Variants in TCEA1 observed in about 807,000 individuals in gnomAD.
The protein encoded by TCEA1 is transcription elongation factor A1.
A neutral mutation model predicts 43.8 loss-of-function variants in TCEA1; 21 were observed. The observed-to-expected ratio is 0.48, with a 90% CI of 0.34 to 0.69. TCEA1 has a LOEUF of 0.69. Ranked by LOEUF, TCEA1 falls within the 30% of genes least tolerant of loss-of-function variation. The pLI is 0.01. For missense variants in TCEA1, 250 were observed against 365.1 expected, an observed-to-expected ratio of 0.68 and a Z score of 2.57; for synonymous variants, 104 against 117.5, an observed-to-expected ratio of 0.88 and a Z score of 0.75.
intron 1 of TCEA1, among the ~76,000 whole-genome samples, chr8:54,011,356 C>A (rs2129312752): frequency 6.6e-6 from 1 of 152,318 alleles, no homozygotes; most frequent in Non-Finnish European, 1.5e-5. Context: ...GCCGTGAGCT[C>A]TAGGGCTGGC....
intron 9 of TCEA1, 55 bp downstream of exon 9, chr8:53,970,337 A>G (rs1336230542): frequency 8.2e-7 from 1 of 1,220,052 alleles, no homozygotes; most frequent in Non-Finnish European, 1.2e-6. Context: ...AAAAGACCAG[A>G]AGAAATCTTT....
In TCEA1 at chr8:53,985,215, C is replaced by A. The variant is rs192227698; in HGVS notation, c.524-698G>T. Among the ~76,000 whole-genome samples the A allele has an allele frequency of 4.1e-3, 622 of 152,204 alleles. 4 individuals are homozygous for A. The highest frequency in any genetic ancestry group is 0.014 in the African/African-American group (593 of 41,508). On this transcript the variant is annotated intron_variant, in intron 6 of 9. Coordinates refer to ENST00000521604, the MANE Select transcript of TCEA1 (RefSeq NM_006756.4). ...TATTTTTAGTAGAGACGGGGTTTCA[C>A]CATGTTGGCCAGGCTGGTCTCAAAC... is the stretch of plus-strand genomic sequence containing the variant.
At chr8:54,000,982 C>T (rs374449078) in intron 2 of TCEA1, among the ~76,000 whole-genome samples, 1 of 152,052 alleles carries the variant, frequency 6.6e-6, no homozygotes, top group African/African-American at 2.4e-5. Context: ...TGGTCTCAAA[C>T]TCTAGACCTC....
intron 1 of TCEA1, among the ~76,000 whole-genome samples, chr8:54,011,067 T>C (rs1213647544): frequency 6.6e-6 from 1 of 152,218 alleles, no homozygotes; most frequent in Non-Finnish European, 1.5e-5. Context: ...CCTCCCAAAG[T>C]GCTGGGATTA....
At chr8:54,013,582 G>A (rs889855325) in intron 1 of TCEA1, among the ~76,000 whole-genome samples, 2 of 149,220 alleles carry the variant, frequency 1.3e-5, no homozygotes, top group African/African-American at 2.4e-5. Context: ...TCAGGAGGCT[G>A]AGGCAGGAGA....
chr8:54,001,670 C>G (rs1804267926), intron 2 of TCEA1, among the ~76,000 whole-genome samples: 2 of 152,066 alleles, frequency 1.3e-5, no homozygotes, highest in South Asian at 4.1e-4. Flanking sequence ...TGCAGGAGAG[C>G]AAAGGTGTAA....
At chr8:53,975,472 T>TA (rs1563464930) in intron 8 of TCEA1, among the ~76,000 whole-genome samples, 2 of 152,110 alleles carry the variant, frequency 1.3e-5, no homozygotes. Flanking sequence ...TCACAATAGC[T>TA]AAAAAGTAGA....
chr8:54,013,495 A>G (rs981762722), intron 1 of TCEA1, among the ~76,000 whole-genome samples: 9 of 152,018 alleles, frequency 5.9e-5, no homozygotes, highest in African/African-American at 1.9e-4. Flanking sequence ...CCTGGCCAAC[A>G]TGGTGAAACT....
In TCEA1 at chr8:53,979,268, A is replaced by T. The variant is rs1037295899; in HGVS notation, c.679-97T>A. On this transcript the variant is annotated intron_variant, in intron 7 of 9. Coordinates refer to ENST00000521604, the MANE Select transcript of TCEA1 (RefSeq NM_006756.4). ...ATTAGCCTAATAATAATAAAACCAC[A>T]TATCAACCTTTAAGGTTTTAAAAGC... is the stretch of plus-strand genomic sequence containing the variant. 2.0e-5 allele frequency: 26 copies of T among 1,275,142 alleles called. No homozygotes were observed. In the Admixed American group the frequency reaches 6.1e-4, roughly 30 times the overall value. The allele number at this position is 1,275,142 out of a possible 1,614,324, so 79.0% of individuals were successfully genotyped here.
intron 2 of TCEA1, chr8:54,002,799 CAAACTATACATCGTG>C: frequency 2.3e-6 from 1 of 427,828 alleles, no homozygotes. Context: ...GCTTTCAGGA[CAAACTATACATCGTG>C]AAACTCTAGC....
chr8:53,972,385 T>C (rs553058190), intron 8 of TCEA1: 5 of 546,838 alleles, frequency 9.1e-6, no homozygotes, highest in South Asian at 2.9e-5. Context: ...AAAGGAAATA[T>C]AGAAACTAGT....
At chr8:53,970,294 C>G in intron 9 of TCEA1, 98 bp downstream of exon 9, 1 of 822,710 alleles carries the variant, frequency 1.2e-6, no homozygotes, top group Non-Finnish European at 2.2e-6. Context: ...GTGAGCATAT[C>G]TGTATATATT....
At chr8:53,999,224 CAAAAAAAA>C (rs57357613) in intron 3 of TCEA1, among the ~76,000 whole-genome samples, 5 of 64,550 alleles carry the variant, frequency 7.7e-5, no homozygotes, top group Non-Finnish European at 3.3e-5. Context: ...GACTCAGTCT[CAAAAAAAA>C]AAAAAAAAAA....
intron 4 of TCEA1, among the ~76,000 whole-genome samples, chr8:53,990,023 C>T (rs1444520306): frequency 6.6e-6 from 1 of 152,072 alleles, no homozygotes; most frequent in Non-Finnish European, 1.5e-5. Flanking sequence ...TAGTGAGACC[C>T]AGGGTCTACA....
chr8:54,022,245 G>A lies in TCEA1; in HGVS notation c.-120C>T. 1.6e-6 allele frequency: 2 copies of A among 1,231,138 alleles called. No individual in the cohort carries two copies. The highest frequency in any genetic ancestry group is 2.3e-6 in the Non-Finnish European group (2 of 861,728). 76.3% of individuals were successfully genotyped at this position (1,231,138 alleles called of 1,614,324 possible). A position where few individuals can be genotyped will look rare whatever the true frequency, so the allele number is the denominator to read the frequency against. ...AGCAACCCCCACCACCGCAGGCCCGGGCCTAGGCCCCCTTCCTTACGAACG... is the reference window on the plus strand; with the variant it reads ...AGCAACCCCCACCACCGCAGGCCCGAGCCTAGGCCCCCTTCCTTACGAACG... On this transcript the variant is annotated 5_prime_UTR_variant, in exon 1 of 10. Coordinates refer to ENST00000521604, the MANE Select transcript of TCEA1 (RefSeq NM_006756.4).
chr8:54,017,231 T>C (rs1483223126), intron 1 of TCEA1, among the ~76,000 whole-genome samples: 2 of 152,130 alleles, frequency 1.3e-5, no homozygotes, highest in Admixed American at 6.5e-5. Context: ...ACAGTAGTAA[T>C]AGTTGCACAA....
At chr8:53,970,823 GAATA>G (rs1178317333) in intron 8 of TCEA1, among the ~76,000 whole-genome samples, 6 of 152,132 alleles carry the variant, frequency 3.9e-5, no homozygotes, top group African/African-American at 1.4e-4. Flanking sequence ...GCACAGAAAT[GAATA>G]AATTTAAACA....
chr8:54,003,298 C>G (rs1168941391), intron 2 of TCEA1, among the ~76,000 whole-genome samples: 1 of 152,124 alleles, frequency 6.6e-6, no homozygotes, highest in Non-Finnish European at 1.5e-5. Flanking sequence ...CTAATCAAGT[C>G]GAACTACTGA....
chr8:53,974,920 A>AAT lies in TCEA1; in HGVS notation c.825+4103_825+4104dup, dbSNP rs919400094. ...TGTTTAAAGGTTAGGGATAATTTGA[A>AAT]ATATATATATATATAATACATTAAT... On this transcript the variant is annotated intron_variant, in intron 8 of 9. Transcript: ENST00000521604. 3.7e-3 allele frequency among the ~76,000 whole-genome samples: 563 copies of AAT among 150,998 alleles called. 6 individuals carry two copies. Among genetic ancestry groups the AAT allele is most frequent in the Middle Eastern group, 0.01 (3 of 288 alleles).
Sources: allele counts gnomAD v4.1 joint callset (sites outside exome capture counted in the v4.1 genomes callset), GRCh38; gene constraint gnomAD v4.1.1; transcripts MANE v1.5; gene names NCBI Gene and HGNC (gene_info 2026-07-23, HGNC 2026-07-21).